ZNF2: variants seen among roughly 807,000 people sequenced by gnomAD.
ZNF2 encodes zinc finger protein 2.2.
In ZNF2, 12 loss-of-function variants were observed where a neutral mutation model predicts 21.9. The observed-to-expected ratio is 0.55, with a 90% CI of 0.35 to 0.89. ZNF2 has a LOEUF of 0.89. ZNF2 is among the 40% of genes least tolerant of loss of function. The pLI is 0.01. For synonymous variants in ZNF2, 186 were observed against 196.3 expected, an observed-to-expected ratio of 0.95 and a Z score of 0.44; for missense variants, 462 against 544.2, an observed-to-expected ratio of 0.85 and a Z score of 1.50.
chr2:95,169,760 A>G (rs1359918686), intron 1 of ZNF2, among the ~76,000 whole-genome samples: 1 of 152,176 alleles, frequency 6.6e-6, no homozygotes, highest in Non-Finnish European at 1.5e-5. Context: ...AAAAAAAACA[A>G]ACAAAAAAAT....
At chr2:95,178,769 C>G (rs985937314) in intron 3 of ZNF2, among the ~76,000 whole-genome samples, 2 of 152,140 alleles carry the variant, frequency 1.3e-5, no homozygotes, top group Non-Finnish European at 2.9e-5. Context: ...GTTCATCACA[C>G]TATTGTTTGT....
In ZNF2 at chr2:95,181,119, T is replaced by C. The variant is rs1674624437; in HGVS notation, c.291T>C (p.Pro97=). The change falls in exon 5 of 5, where the codon CCT becomes CCC. Residue 97 remains proline, a synonymous_variant. Coordinates refer to ENST00000614034, the MANE Select transcript of ZNF2 (RefSeq NM_021088.4). ...TTGTTCCAGACTGGGAAACTAAGCC[T>C]GAGATTCACGATGCTTCAGACAAAA... ...ESVSLDWETK[P]EIHDASDKKS... The C allele has an allele frequency of 6.2e-7, 1 of 1,613,232 alleles. No individual in the cohort carries two copies. Among genetic ancestry groups the C allele is most frequent in the African/African-American group, 1.3e-5 (1 of 74,906 alleles).
At chr2:95,175,290 C>T (rs1674402866) in intron 1 of ZNF2, among the ~76,000 whole-genome samples, 1 of 152,200 alleles carries the variant, frequency 6.6e-6, no homozygotes, top group Admixed American at 6.5e-5. Flanking sequence ...TTATGGCAAT[C>T]TATGAATAAA....
chr2:95,173,290 A>G (rs1481658935), intron 1 of ZNF2, among the ~76,000 whole-genome samples: 1 of 152,146 alleles, frequency 6.6e-6, no homozygotes, highest in Admixed American at 6.5e-5. Context: ...GAGATAATGT[A>G]TATATATTCA....
intron 1 of ZNF2, among the ~76,000 whole-genome samples, chr2:95,169,087 G>A (rs1233968657): frequency 6.6e-6 from 1 of 152,224 alleles, no homozygotes; most frequent in Non-Finnish European, 1.5e-5. Flanking sequence ...GTAACTCCCT[G>A]TGAGTTTGGT....
chr2:95,176,485 T>C (rs1215972129), intron 2 of ZNF2, among the ~76,000 whole-genome samples: 1 of 152,174 alleles, frequency 6.6e-6, no homozygotes, highest in African/African-American at 2.4e-5. Context: ...CCTGGAGCCT[T>C]CACTGTGAGT....
chr2:95,175,572 C>T (rs1476933210), intron 1 of ZNF2, among the ~76,000 whole-genome samples: 1 of 152,184 alleles, frequency 6.6e-6, no homozygotes, highest in Non-Finnish European at 1.5e-5. Context: ...TTCAGCTCGT[C>T]ACCCACTTGT....
intron 3 of ZNF2, among the ~76,000 whole-genome samples, chr2:95,179,159 T>G (rs1173203468): frequency 3.9e-5 from 6 of 152,038 alleles, no homozygotes; most frequent in Non-Finnish European, 8.8e-5. Flanking sequence ...GCCCTGCTAA[T>G]TTTTGTATTT....
In ZNF2 at chr2:95,182,386, C is replaced by A. The variant is rs895454589; in HGVS notation, c.*280C>A. 13 of 329,424 alleles carry A rather than the reference C, an allele frequency of 3.9e-5. No individual in the cohort carries two copies. The highest frequency in any genetic ancestry group is 6.6e-5 in the Non-Finnish European group (12 of 180,514). 20.4% of individuals were successfully genotyped at this position (329,424 alleles called of 1,614,324 possible). The stretch of plus-strand genomic sequence containing the variant: ...ACACCTCTTGTCTGAGAACCTAGGC[C>A]CCAGGTATCACTGCACTTTAAGAAA... On this transcript the variant is annotated 3_prime_UTR_variant, in exon 5 of 5. Transcript: ENST00000614034.
chr2:95,183,258 G>A lies in ZNF2; in HGVS notation c.*1152G>A, dbSNP rs1178331012. ...TCTGGCTTCCAAAGTCACCACAAGG[G>A]CGGAAGAGAAAGCTAGAGGAATTTG... is the stretch of plus-strand genomic sequence containing the variant. On this transcript the variant is annotated 3_prime_UTR_variant, in exon 5 of 5. Transcript: ENST00000614034. 3 of 152,316 alleles carry A rather than the reference G, an allele frequency of 2.0e-5. No individual in the cohort carries two copies. Among genetic ancestry groups the A allele is most frequent in the African/African-American group, 7.2e-5 (3 of 41,568 alleles). The allele number at this position is 152,316 out of a possible 1,614,324, so 9.4% of individuals were successfully genotyped here.
intron 1 of ZNF2, among the ~76,000 whole-genome samples, chr2:95,167,241 C>A (rs1240432069): frequency 6.6e-6 from 1 of 152,162 alleles, no homozygotes; most frequent in East Asian, 1.9e-4. Flanking sequence ...CAGTGGCTCA[C>A]GCCTGTAAGT....
rs567846996 is a variant in ZNF2, at chr2:95,172,867, C to T, written c.-39-3321C>T. Reference sequence around the variant, plus strand: ...GGCCAAGCTGGTCTTGAACTCCTAACCTCAAGTGATCCACACGCCTCGGTC... The same window carrying T: ...GGCCAAGCTGGTCTTGAACTCCTAATCTCAAGTGATCCACACGCCTCGGTC... On this transcript the variant is annotated intron_variant, in intron 1 of 4. Transcript: ENST00000614034. Among the ~76,000 whole-genome samples the T allele has an allele frequency of 2.0e-4, 30 of 151,930 alleles. No individual in the cohort carries two copies. The South Asian group carries it at 6.2e-3, about 32-fold the overall frequency.
chr2:95,170,592 TA>T (rs1674236194), intron 1 of ZNF2, among the ~76,000 whole-genome samples: 8 of 152,246 alleles, frequency 5.3e-5, no homozygotes. Context: ...ATAGACCTGT[TA>T]TAGAATAGAG....
chr2:95,172,902 G>T (rs866673970), intron 1 of ZNF2, among the ~76,000 whole-genome samples: 37 of 151,238 alleles, frequency 2.4e-4, no homozygotes, highest in Admixed American at 3.9e-4. Context: ...CTCCCAAAGT[G>T]CTGGGATTAC....
intron 4 of ZNF2, 50 bp downstream of exon 4, chr2:95,180,322 A>G (rs1674597392): frequency 8.0e-7 from 1 of 1,244,388 alleles, no homozygotes; most frequent in Non-Finnish European, 1.2e-6. Context: ...GCTTTTTGTT[A>G]TTTGGGTGAT....
chr2:95,169,911 A>G (rs878992203), intron 1 of ZNF2, among the ~76,000 whole-genome samples: 1 of 152,244 alleles, frequency 6.6e-6, no homozygotes, highest in Admixed American at 6.5e-5. Context: ...CTATTTAAGC[A>G]TCAAGATAAC....
chr2:95,181,607 A>G lies in ZNF2; in HGVS notation c.779A>G (p.Asn260Ser). ...ACTGGAGAGAAACCCTTTCAGTGCA[A>G]CGAGTGTGGAAAAGCCTTTTTTGAC... ...IHTGEKPFQCNECGKAFFDRS... is the reference protein window; with the variant it reads ...IHTGEKPFQCSECGKAFFDRS... The change falls in exon 5 of 5, where the codon AAC becomes AGC. Residue 260 changes from asparagine to serine, a missense_variant. By Grantham distance (46) the Asn-to-Ser change is conservative. Coordinates refer to ENST00000614034, the MANE Select transcript of ZNF2 (RefSeq NM_021088.4). 2 of 1,614,152 alleles carry G rather than the reference A, an allele frequency of 1.2e-6. No homozygotes were observed. The highest frequency in any genetic ancestry group is 1.1e-5 in the South Asian group (1 of 91,082).
At chr2:95,173,006 G>A (rs1178072852) in intron 1 of ZNF2, among the ~76,000 whole-genome samples, 2 of 150,368 alleles carry the variant, frequency 1.3e-5, no homozygotes, top group Non-Finnish European at 3.0e-5. Context: ...TACAGATAAA[G>A]CTGAAGTATC....
At chr2:95,180,438 G>T (rs758816500) in intron 4 of ZNF2, among the ~76,000 whole-genome samples, 166 bp downstream of exon 4, 1 of 150,964 alleles carries the variant, frequency 6.6e-6, no homozygotes, top group African/African-American at 2.4e-5. Flanking sequence ...ACACCTTAAC[G>T]TGTTATTCAT....
Sources: allele counts gnomAD v4.1 joint callset (sites outside exome capture counted in the v4.1 genomes callset), GRCh38; gene constraint gnomAD v4.1.1; transcripts MANE v1.5; gene names NCBI Gene and HGNC (gene_info 2026-07-23, HGNC 2026-07-21).